The following DLC1 variants were observed in gnomAD, a reference collection of about 807,000 sequenced individuals.
DLC1 encodes DLC1 Rho GTPase activating protein, also known as rho GTPase-activating protein 7.
Under a neutral mutation model 140.3 loss-of-function variants are expected in DLC1, and 54 were observed. That is an observed-to-expected ratio of 0.38 (90% confidence interval 0.31 to 0.48). The LOEUF (loss-of-function observed/expected upper bound fraction) is 0.48. DLC1 is among the 20% of genes least tolerant of loss of function. DLC1 has a pLI of 0.96. For synonymous variants in DLC1, 986 were observed against 728.1 expected (o/e 1.35, Z -5.70); for missense variants, 2,536 against 1,907.0 (o/e 1.33, Z -6.14).
chr8:13,253,398 A>G (rs895602009), intron 5 of DLC1, among the ~76,000 whole-genome samples: 8 of 151,994 alleles, frequency 5.3e-5, no homozygotes, highest in Admixed American at 3.3e-4. Flanking sequence ...CTTCTTGTGT[A>G]AGTGGTGGTT....
At chr8:13,101,809 T>C (rs1353582770) in intron 8 of DLC1, among the ~76,000 whole-genome samples, 1 of 152,202 alleles carries the variant, frequency 6.6e-6, no homozygotes, top group East Asian at 1.9e-4. Flanking sequence ...CTTTGCTGAT[T>C]ATGCCCGATT....
intron 1 of DLC1, among the ~76,000 whole-genome samples, chr8:13,594,809 G>C (rs1021525426): frequency 2.6e-5 from 4 of 151,076 alleles, no homozygotes; most frequent in African/African-American, 9.7e-5. Context: ...AAGCAAGTTA[G>C]AAGAAATGAT....
chr8:13,154,471 G>C (rs116360122), intron 5 of DLC1, among the ~76,000 whole-genome samples: 1 of 152,214 alleles, frequency 6.6e-6, no homozygotes, highest in Admixed American at 6.5e-5. Flanking sequence ...AGGGCCGGCG[G>C]TGCCGGCCAG....
chr8:13,358,428 C>T (rs960898908), intron 4 of DLC1, among the ~76,000 whole-genome samples: 1 of 152,012 alleles, frequency 6.6e-6, no homozygotes, highest in Admixed American at 6.5e-5. Flanking sequence ...TGCATTTAGT[C>T]CAAAAAAAGT....
At chr8:13,586,627 CT>C (rs1256334020) in intron 1 of DLC1, among the ~76,000 whole-genome samples, 4,111 of 92,818 alleles carry the variant, frequency 0.044, 219 homozygotes, top group East Asian at 0.17. Flanking sequence ...ACACACACAC[CT>C]GCATGTAAAA....
chr8:13,087,598 T>G (rs904737612), intron 16 of DLC1, among the ~76,000 whole-genome samples: 9 of 152,208 alleles, frequency 5.9e-5, no homozygotes, highest in Non-Finnish European at 8.8e-5. Context: ...GAGCCGTTGT[T>G]ACAGAGGGTT....
At chr8:13,553,201 G>C (rs57127396) in intron 1 of DLC1, among the ~76,000 whole-genome samples, 4,582 of 92,862 alleles carry the variant, frequency 0.049, 302 homozygotes, top group African/African-American at 0.17. Context: ...CCTGCCAGCT[G>C]TCATATATAT....
chr8:13,239,050 T>G (rs1289179472), intron 5 of DLC1, among the ~76,000 whole-genome samples: 1 of 152,166 alleles, frequency 6.6e-6, no homozygotes, highest in East Asian at 1.9e-4. Flanking sequence ...ATACAATCAC[T>G]TGGTTTTTGT....
intron 2 of DLC1, among the ~76,000 whole-genome samples, chr8:13,489,693 C>A (rs1382881979): frequency 2.0e-5 from 3 of 152,024 alleles, no homozygotes; most frequent in Non-Finnish European, 4.4e-5. Context: ...AGGCTGTTGG[C>A]TTCTTTAGTT....
chr8:13,289,242 C>T (rs1189048391), intron 5 of DLC1, among the ~76,000 whole-genome samples: 1 of 152,120 alleles, frequency 6.6e-6, no homozygotes, highest in East Asian at 1.9e-4. Context: ...TGTTCTGTCA[C>T]CCAGGCTGGC....
At chr8:13,191,502 C>CA (rs1304885677) in intron 5 of DLC1, among the ~76,000 whole-genome samples, 1 of 152,150 alleles carries the variant, frequency 6.6e-6, no homozygotes, top group African/African-American at 2.4e-5. Flanking sequence ...AAAACAACAA[C>CA]AACAACAAAC....
At position 13,276,137 on chromosome 8, in the gene DLC1, A is replaced by C. The variant is rs552689865; in HGVS notation, c.1348+29132T>G. 2.1e-4 allele frequency: 282 copies of C among 1,342,358 alleles called. No individual in the cohort carries two copies. In the South Asian group the frequency reaches 4.0e-3, roughly 19 times the overall value. The allele number at this position is 1,342,358 out of a possible 1,614,324, so 83.2% of individuals were successfully genotyped here. A position where few individuals can be genotyped will look rare whatever the true frequency, so the allele number is the denominator to read the frequency against. ...GGAGACCGAACACACTGCCATGACA[A>C]GAATGAAACTTCAACCAGCTGATGA... On this transcript the variant is annotated intron_variant, in intron 5 of 17. Coordinates refer to ENST00000276297, the MANE Select transcript of DLC1 (RefSeq NM_182643.3).
intron 4 of DLC1, among the ~76,000 whole-genome samples, chr8:13,312,230 G>A (rs1025703393): frequency 7.3e-6 from 1 of 137,152 alleles, no homozygotes; most frequent in African/African-American, 2.7e-5. Context: ...GCGTGGTAGC[G>A]GGCGCCTGTA....
chr8:13,340,899 C>A (rs1188509065), intron 4 of DLC1: 1 of 152,170 alleles, frequency 6.6e-6, no homozygotes, highest in Non-Finnish European at 1.5e-5. Flanking sequence ...TGGCTGCGCC[C>A]AATTGCAAGG....
intron 4 of DLC1, among the ~76,000 whole-genome samples, chr8:13,307,128 T>C (rs1832474263): frequency 6.6e-6 from 1 of 150,430 alleles, no homozygotes; most frequent in Admixed American, 6.6e-5. Flanking sequence ...GGGGAGTTAC[T>C]TTGGCAAGAT....
At chr8:13,248,589 G>A (rs916105064) in intron 5 of DLC1, among the ~76,000 whole-genome samples, 4 of 152,052 alleles carry the variant, frequency 2.6e-5, no homozygotes, top group African/African-American at 4.8e-5. Context: ...AAGTCTCTGC[G>A]GACACCCCCC....
At chr8:13,573,378 T>A (rs181682971) in intron 1 of DLC1, among the ~76,000 whole-genome samples, 108 of 152,224 alleles carry the variant, frequency 7.1e-4, no homozygotes, top group African/African-American at 2.5e-3. Flanking sequence ...TTCTTTAGGG[T>A]TTTCTAGGTA....
intron 2 of DLC1, among the ~76,000 whole-genome samples, chr8:13,447,221 C>T (rs73555445): frequency 0.028 from 4,284 of 152,168 alleles, 81 homozygotes; most frequent in African/African-American, 0.051. Flanking sequence ...AAAATGTTTA[C>T]CTTGGCAGTC....
At chr8:13,228,489 C>T in intron 5 of DLC1, among the ~76,000 whole-genome samples, 1 of 151,964 alleles carries the variant, frequency 6.6e-6, no homozygotes, top group Non-Finnish European at 1.5e-5. Flanking sequence ...ACATTTGTAA[C>T]CCCAACACTT....
Sources: gnomAD v4.1 joint callset for allele counts (sites outside exome capture counted in the v4.1 genomes callset) on GRCh38, gnomAD v4.1.1 for gene constraint, MANE v1.5 for transcripts, NCBI Gene and HGNC (gene_info 2026-07-23, HGNC 2026-07-21) for gene names.